Variants in OR52E4 observed in about 807,000 individuals in gnomAD.
OR52E4 encodes the protein olfactory receptor family 52 subfamily E member 4.
For missense variants in OR52E4, 444 were observed against 383.8 expected, an observed-to-expected ratio of 1.16 and a Z score of -1.31; for synonymous variants, 169 against 137.4, an observed-to-expected ratio of 1.23 and a Z score of -1.61.
intron 1 of OR52E4, among the ~76,000 whole-genome samples, chr11:5,883,265 G>T (rs1037565263): frequency 6.6e-6 from 1 of 151,936 alleles, no homozygotes; most frequent in African/African-American, 2.4e-5. Flanking sequence ...TGTTCATGAA[G>T]ATTTAGAAGC....
rs1446477932 is a variant in OR52E4 at position 5,886,447 on chromosome 11, T to A, written c.*1216T>A. The A allele has an allele frequency of 6.6e-6, 1 of 152,000 alleles. No individual in the cohort carries two copies. Among genetic ancestry groups the A allele is most frequent in the Non-Finnish European group, 1.5e-5 (1 of 67,978 alleles). 9.4% of individuals were successfully genotyped at this position (152,000 alleles called of 1,614,324 possible). ...TCTAATTCTCAATTCTATCTGACAA[T>A]TTCCCTTCAGACAAAATATATAAAA... On this transcript the variant is annotated 3_prime_UTR_variant, in exon 2 of 2. Transcript: ENST00000641726.
Position 5,880,673 on chromosome 11 carries a change from A to G in OR52E4, c.-116A>G, listed in dbSNP as rs906143211. ...TTTAAGAACCTGGACTCATGCTCCA[A>G]TTCTGCTCCAAGTGAGGGCTGGGAG... is the stretch of plus-strand genomic sequence containing the variant. On this transcript the variant is annotated 5_prime_UTR_variant, in exon 1 of 2. Transcript: ENST00000641726. The G allele has an allele frequency of 6.6e-6, 1 of 152,170 alleles. No individual in the cohort carries two copies. Among genetic ancestry groups the G allele is most frequent in the South Asian group, 2.1e-4 (1 of 4,830 alleles). The allele number at this position is 152,170 out of a possible 1,614,324, so 9.4% of individuals were successfully genotyped here.
Position 5,884,272 on chromosome 11 carries a change from T to G in OR52E4, c.-21T>G. On this transcript the variant is annotated 5_prime_UTR_variant, in exon 2 of 2. It adds an upstream start codon to the 5' untranslated region. Transcript: ENST00000641726. ...AGTGAGATCCTTCATACTTAGGAATTCAGTGACACTTGCTGGGAGAATGCC... is the reference window on the plus strand; with the variant it reads ...AGTGAGATCCTTCATACTTAGGAATGCAGTGACACTTGCTGGGAGAATGCC... The G allele has an allele frequency of 6.5e-7, 1 of 1,547,186 alleles. No individual in the cohort carries two copies. Among genetic ancestry groups the G allele is most frequent in the Non-Finnish European group, 8.8e-7 (1 of 1,131,028 alleles).
chr11:5,882,322 T>C (rs2134274407), intron 1 of OR52E4, among the ~76,000 whole-genome samples: 1 of 152,142 alleles, frequency 6.6e-6, no homozygotes, highest in Middle Eastern at 3.4e-3. Flanking sequence ...GCTGGCAAAG[T>C]ATCATGTTGA....
chr11:5,883,213 A>G (rs538139892), intron 1 of OR52E4, among the ~76,000 whole-genome samples: 1 of 152,140 alleles, frequency 6.6e-6, no homozygotes, highest in South Asian at 2.1e-4. Flanking sequence ...TATTGGAAGG[A>G]TATCAGGGAA....
Position 5,885,099 on chromosome 11 carries a change from T to TC in OR52E4, c.811dup (p.His271ProfsTer9). ...TGACACATCGTTTTGGCCAAAACAT[T>TC]CCCCACTATATCCATATTCTTTTGG... On this transcript the variant is annotated frameshift_variant, in exon 2 of 2. Transcript: ENST00000641726. LOFTEE classifies it low-confidence loss of function (END_TRUNC). 3 of 1,613,494 alleles carry TC rather than the reference T, an allele frequency of 1.9e-6. No individual in the cohort carries two copies. The highest frequency in any genetic ancestry group is 2.5e-6 in the Non-Finnish European group (3 of 1,179,694).
rs145340701 is a variant in OR52E4 at position 5,885,105 on chromosome 11, C to A, written c.813C>A (p.His271Gln). The A allele has an allele frequency of 3.7e-6, 6 of 1,613,312 alleles. No homozygotes were observed. The highest frequency in any genetic ancestry group is 1.6e-4 in the Middle Eastern group (1 of 6,074). Residue 271 changes from histidine (H) to glutamine (Q), a missense_variant, in exon 2 of 2, where the codon CAC (histidine) becomes CAA (glutamine). Physicochemically the swap from His to Gln is conservative, Grantham distance 24 (BLOSUM62 0). Coordinates refer to ENST00000641726, the MANE Select transcript of OR52E4 (RefSeq NM_001005165.2). ...MTHRFGQNIP[H>Q]YIHILLANLY... is the part of the protein sequence containing the mutation. ...ATCGTTTTGGCCAAAACATTCCCCA[C>A]TATATCCATATTCTTTTGGCTAACC...
In OR52E4 at chr11:5,880,666, T is replaced by G. The variant is rs1846951328; in HGVS notation, c.-123T>G. ...CACGGTCTTTAAGAACCTGGACTCA[T>G]GCTCCAATTCTGCTCCAAGTGAGGG... On this transcript the variant is annotated 5_prime_UTR_variant, in exon 1 of 2. It removes an upstream start codon present in the reference 5' UTR. Coordinates refer to ENST00000641726, the MANE Select transcript of OR52E4 (RefSeq NM_001005165.2). 6.6e-6 allele frequency: 1 copy of G among 152,216 alleles called. No homozygotes were observed. Among genetic ancestry groups the G allele is most frequent in the South Asian group, 2.1e-4 (1 of 4,832 alleles). The allele number at this position is 152,216 out of a possible 1,614,324, so 9.4% of individuals were successfully genotyped here.
chr11:5,884,887 A>G lies in OR52E4; in HGVS notation c.595A>G (p.Ile199Val), dbSNP rs61876191. ...LACAPIKINI[I>V]YGLMVISYII... ...CTGTGCACCCATTAAGATCAACATA[A>G]TCTATGGGCTCATGGTGATTTCTTA... is the stretch of plus-strand genomic sequence containing the variant. Residue 199 changes from isoleucine (I) to valine (V), a missense_variant, in exon 2 of 2, where the codon ATC (isoleucine) becomes GTC (valine). Physicochemically the swap from Ile to Val is conservative, Grantham distance 29. Coordinates refer to ENST00000641726, the MANE Select transcript of OR52E4 (RefSeq NM_001005165.2). 3.8e-3 allele frequency: 6,074 copies of G among 1,613,086 alleles called. 13 individuals are homozygous for G. The highest frequency in any genetic ancestry group is 4.6e-3 in the Non-Finnish European group (5,422 of 1,179,326).
rs1460260459 is a variant in OR52E4 at position 5,886,545 on chromosome 11, T to G, written c.*1314T>G. On this transcript the variant is annotated 3_prime_UTR_variant, in exon 2 of 2. Transcript: ENST00000641726. ...GGTAAGCACAGGGCCAGACTTGATATCGACTTCAAAATAATATCATTATAA... is the reference window on the plus strand; with the variant it reads ...GGTAAGCACAGGGCCAGACTTGATAGCGACTTCAAAATAATATCATTATAA... The G allele has an allele frequency of 1.3e-5, 2 of 152,090 alleles. No individual in the cohort carries two copies. The highest frequency in any genetic ancestry group is 2.9e-5 in the Non-Finnish European group (2 of 67,996). 9.4% of individuals were successfully genotyped at this position (152,090 alleles called of 1,614,324 possible). A position where few individuals can be genotyped will look rare whatever the true frequency, so the allele number is the denominator to read the frequency against.
In OR52E4 at chr11:5,884,322, TCCC is replaced by T; in HGVS notation, c.34_36del (p.Pro12del). Reference sequence around the variant, plus strand: ...CTTCTATCAATGACACCCACTTCTATCCCCCCTTCTTCCTCCTGCTAGGAATAC... The same window carrying T: ...CTTCTATCAATGACACCCACTTCTATCCCTTCTTCCTCCTGCTAGGAATAC... On this transcript the variant is annotated inframe_deletion, in exon 2 of 2. Transcript: ENST00000641726. 6.2e-7 allele frequency: 1 copy of T among 1,611,838 alleles called. No individual in the cohort carries two copies. Among genetic ancestry groups the T allele is most frequent in the African/African-American group, 1.3e-5 (1 of 74,918 alleles).
In OR52E4 at chr11:5,885,280, C is replaced by T. The variant is rs373583570; in HGVS notation, c.*49C>T. On this transcript the variant is annotated 3_prime_UTR_variant, in exon 2 of 2. Transcript: ENST00000641726. ...TATATCTATATACAACCCAAATTATCATCATCTGAGCTCCCTTTTTAATCT... is the reference window on the plus strand; with the variant it reads ...TATATCTATATACAACCCAAATTATTATCATCTGAGCTCCCTTTTTAATCT... 3.2e-6 allele frequency: 4 copies of T among 1,239,610 alleles called. No homozygotes were observed. Among genetic ancestry groups the T allele is most frequent in the Admixed American group, 4.9e-5 (2 of 41,140 alleles). The allele number at this position is 1,239,610 out of a possible 1,614,324, so 76.8% of individuals were successfully genotyped here.
rs184066338 is a variant in OR52E4 at position 5,886,310 on chromosome 11, T to C, written c.*1079T>C. The C allele has an allele frequency of 1.3e-5, 2 of 151,880 alleles. No individual in the cohort carries two copies. The highest frequency in any genetic ancestry group is 6.6e-5 in the Admixed American group (1 of 15,216). 9.4% of individuals were successfully genotyped at this position (151,880 alleles called of 1,614,324 possible). Reference sequence around the variant, plus strand: ...ATTCGTTCTCTGATAAAGTAAGTCTTTGTGAATTTAGGGATATGAGAGACT... The same window carrying C: ...ATTCGTTCTCTGATAAAGTAAGTCTCTGTGAATTTAGGGATATGAGAGACT... On this transcript the variant is annotated 3_prime_UTR_variant, in exon 2 of 2. Transcript: ENST00000641726.
chr11:5,885,457 T>A lies in OR52E4; in HGVS notation c.*226T>A. ...AAAGGTTAGAGATTAATGGAGAAGG[T>A]AACTATGCTGAAGGTTGAGGTGGCT... On this transcript the variant is annotated 3_prime_UTR_variant, in exon 2 of 2. Transcript: ENST00000641726. The A allele has an allele frequency of 2.2e-6, 1 of 448,352 alleles. No homozygotes were observed. Among genetic ancestry groups the A allele is most frequent in the South Asian group, 4.0e-5 (1 of 25,068 alleles). 27.8% of individuals were successfully genotyped at this position (448,352 alleles called of 1,614,324 possible). A position where few individuals can be genotyped will look rare whatever the true frequency, so the allele number is the denominator to read the frequency against.
rs1232746539 is a variant in OR52E4 at position 5,886,313 on chromosome 11, T to C, written c.*1082T>C. The C allele has an allele frequency of 6.6e-6, 1 of 151,958 alleles. No homozygotes were observed. Among genetic ancestry groups the C allele is most frequent in the Non-Finnish European group, 1.5e-5 (1 of 67,968 alleles). 9.4% of individuals were successfully genotyped at this position (151,958 alleles called of 1,614,324 possible). On this transcript the variant is annotated 3_prime_UTR_variant, in exon 2 of 2. Coordinates refer to ENST00000641726, the MANE Select transcript of OR52E4 (RefSeq NM_001005165.2). ...CGTTCTCTGATAAAGTAAGTCTTTG[T>C]GAATTTAGGGATATGAGAGACTACA...
In OR52E4 at chr11:5,884,893, G is replaced by A. The variant is rs1847017557; in HGVS notation, c.601G>A (p.Gly201Arg). Residue 201 changes from glycine to arginine, a missense_variant, in exon 2 of 2, where the codon GGG (glycine) becomes AGG (arginine). By Grantham distance (125) the Gly-to-Arg change is moderately radical (BLOSUM62 -2). Coordinates refer to ENST00000641726, the MANE Select transcript of OR52E4 (RefSeq NM_001005165.2). ...ACCCATTAAGATCAACATAATCTAT[G>A]GGCTCATGGTGATTTCTTATATTAT... ...CAPIKINIIY[G>R]LMVISYIIVD... The A allele has an allele frequency of 1.2e-6, 2 of 1,612,926 alleles. No homozygotes were observed. The highest frequency in any genetic ancestry group is 1.1e-5 in the South Asian group (1 of 91,060).
chr11:5,884,559 C>T lies in OR52E4; in HGVS notation c.267C>T (p.Phe89=). 6.2e-7 allele frequency: 1 copy of T among 1,613,526 alleles called. No individual in the cohort carries two copies. The highest frequency in any genetic ancestry group is 1.3e-5 in the African/African-American group (1 of 74,988). ...CCAAAATGCTAGGAATCTTCTGGTT[C>T]AACCTCCAAGAGATCAGCTTTGGGG... ...TIPKMLGIFW[F]NLQEISFGGC... is the part of the protein sequence containing the mutation. Residue 89 remains phenylalanine, a synonymous_variant, in exon 2 of 2, where the codon TTC becomes TTT. Transcript: ENST00000641726.
At chr11:5,883,763 C>T (rs1475369714) in intron 1 of OR52E4, among the ~76,000 whole-genome samples, 1 of 151,812 alleles carries the variant, frequency 6.6e-6, no homozygotes, top group African/African-American at 2.4e-5. Flanking sequence ...TATGGTAGCA[C>T]CTCATATAAC....
chr11:5,882,490 G>A (rs1257878269), intron 1 of OR52E4, among the ~76,000 whole-genome samples: 1 of 151,742 alleles, frequency 6.6e-6, no homozygotes, highest in East Asian at 1.9e-4. Flanking sequence ...CAAACATTAT[G>A]TTCTTTTTTC....
Sources: gnomAD v4.1 joint callset for allele counts (sites outside exome capture counted in the v4.1 genomes callset) on GRCh38, gnomAD v4.1.1 for gene constraint, MANE v1.5 for transcripts, NCBI Gene and HGNC (gene_info 2026-07-23, HGNC 2026-07-21) for gene names.